TBCD: variants seen among roughly 807,000 people sequenced by gnomAD.
TBCD encodes the protein tubulin folding cofactor D, also known as tubulin-specific chaperone D.
A neutral mutation model predicts 169.3 loss-of-function variants in TBCD; 105 were observed. That is an observed-to-expected ratio of 0.62 (90% CI 0.53 to 0.73). TBCD has a LOEUF of 0.73. Ranked by LOEUF, TBCD falls within the 30% of genes least tolerant of loss-of-function variation. TBCD has a pLI of 0.00. For missense variants in TBCD, 1,444 were observed against 1,600.1 expected (o/e 0.90, Z 1.66); for synonymous variants, 700 against 643.9 (o/e 1.09, Z -1.32).
At chr17:82,818,756 C>T (rs2052149952) in intron 13 of TBCD, among the ~76,000 whole-genome samples, 1 of 152,180 alleles carries the variant, frequency 6.6e-6, no homozygotes, top group Admixed American at 6.5e-5. Flanking sequence ...CTGTGGTTCT[C>T]TGTCAGTTTG....
chr17:82,891,428 C>T (rs796682651), intron 16 of TBCD, among the ~76,000 whole-genome samples: 18 of 152,310 alleles, frequency 1.2e-4, no homozygotes, highest in African/African-American at 4.3e-4. Context: ...GCGGGAGCCT[C>T]GTGGAAGAAG....
intron 12 of TBCD, among the ~76,000 whole-genome samples, chr17:82,813,998 A>C (rs2051663797): frequency 6.6e-6 from 1 of 152,196 alleles, no homozygotes; most frequent in Non-Finnish European, 1.5e-5. Context: ...GGTTTTCCTA[A>C]ACATTTATTT....
At position 82,884,152 on chromosome 17, in the gene TBCD, G is replaced by C. The variant is rs977705282; in HGVS notation, c.1483G>C (p.Val495Leu). 3 of 1,609,518 alleles carry C rather than the reference G, an allele frequency of 1.9e-6. No homozygotes were observed. The African/African-American group carries it at 4.0e-5, about 21-fold the overall frequency. The change falls in exon 15 of 39, where the codon GTG becomes CTG. Residue 495 changes from valine (V) to leucine (L), a missense_variant. By Grantham distance (32) the Val-to-Leu change is conservative. Transcript: ENST00000355528. This position sits in a 1 kb window ranked among gnomAD's most constrained non-coding sequence, Gnocchi z 4.2. Reference protein sequence around the residue: ...PFVTAISSALVIAAVFDRDIN... With the variant: ...PFVTAISSALLIAAVFDRDIN... Reference sequence around the variant, plus strand: ...CCTTTCTCTTTTTCACAGTGCACTGGTGATTGCTGCGGTGTTTGACCGAGA... The same window carrying C: ...CCTTTCTCTTTTTCACAGTGCACTGCTGATTGCTGCGGTGTTTGACCGAGA...
At chr17:82,814,727 A>T in intron 12 of TBCD, 113 bp from the exon 13 acceptor site, 1 of 990,138 alleles carries the variant, frequency 1.0e-6, no homozygotes, top group Non-Finnish European at 1.5e-6. Context: ...GCCTTACGTG[A>T]GCCTTACAGG....
intron 13 of TBCD, among the ~76,000 whole-genome samples, chr17:82,869,282 C>T (rs912292284): frequency 6.6e-6 from 1 of 152,322 alleles, no homozygotes; most frequent in South Asian, 2.1e-4. Flanking sequence ...CATATACTTA[C>T]ACCACGTCCT....
At chr17:82,940,219 G>GCACACACACACACACA (rs1422867605) in intron 37 of TBCD, among the ~76,000 whole-genome samples, 3,135 of 94,466 alleles carry the variant, frequency 0.033, 49 homozygotes, top group East Asian at 0.076. Context: ...ACTTGCACGC[G>GCACACACACACACACA]CGCACACACA....
chr17:82,911,620 T>C, intron 22 of TBCD, 138 bp from the exon 23 acceptor site: 1 of 784,612 alleles, frequency 1.3e-6, no homozygotes, highest in Non-Finnish European at 2.1e-6. Context: ...CATAAAAGGT[T>C]GCTCATGCTC....
intron 13 of TBCD, among the ~76,000 whole-genome samples, chr17:82,837,664 C>A (rs1248302514): frequency 2.6e-5 from 4 of 152,180 alleles, no homozygotes; most frequent in Non-Finnish European, 5.9e-5. Flanking sequence ...TTTCATCCTC[C>A]TCTCATTTCC....
chr17:82,753,759 GGTTCTTTCT>G (rs1208060903), intron 1 of TBCD, among the ~76,000 whole-genome samples: 1 of 151,728 alleles, frequency 6.6e-6, no homozygotes, highest in East Asian at 1.9e-4. Context: ...GGCCCCAGTG[GGTTCTTTCT>G]GCGGGCTGCC....
At chr17:82,932,366 G>T (rs1402242691) in intron 33 of TBCD, among the ~76,000 whole-genome samples, 1 of 152,232 alleles carries the variant, frequency 6.6e-6, no homozygotes, top group African/African-American at 2.4e-5. Context: ...GTAAGAAACT[G>T]TGGGTTTACT....
chr17:82,859,809 G>A, intron 13 of TBCD: 1 of 985,464 alleles, frequency 1.0e-6, no homozygotes, highest in Non-Finnish European at 1.2e-6. Flanking sequence ...GTTCATGGCA[G>A]TGACCCAGAA....
At chr17:82,868,378 C>T (rs969374821) in intron 13 of TBCD, among the ~76,000 whole-genome samples, 3 of 152,120 alleles carry the variant, frequency 2.0e-5, no homozygotes, top group East Asian at 1.9e-4. Context: ...GCAGGGACCC[C>T]GGAATGTCCT....
rs1396698962 is a variant in TBCD at position 82,943,800 on chromosome 17, G to T, written c.*1337G>T. ...AGAGCCTTGGGTTACATTTTTACGAGATTTAAATATTTTATTCCAACCTGT... is the reference window on the plus strand; with the variant it reads ...AGAGCCTTGGGTTACATTTTTACGATATTTAAATATTTTATTCCAACCTGT... On this transcript the variant is annotated 3_prime_UTR_variant, in exon 39 of 39. Coordinates refer to ENST00000355528, the MANE Select transcript of TBCD (RefSeq NM_005993.5). 1 of 152,236 alleles carries T rather than the reference G, an allele frequency of 6.6e-6. No individual in the cohort carries two copies. The highest frequency in any genetic ancestry group is 1.5e-5 in the Non-Finnish European group (1 of 68,048). The allele number at this position is 152,236 out of a possible 1,614,324, so 9.4% of individuals were successfully genotyped here.
intron 9 of TBCD, among the ~76,000 whole-genome samples, chr17:82,804,803 G>T (rs1356492262): frequency 6.6e-6 from 1 of 152,226 alleles, no homozygotes; most frequent in Non-Finnish European, 1.5e-5. Flanking sequence ...TGAGAGGAAC[G>T]CTAGGCGGTG....
intron 1 of TBCD, among the ~76,000 whole-genome samples, chr17:82,752,774 C>T (rs1771082512): frequency 6.6e-6 from 1 of 152,204 alleles, no homozygotes; most frequent in South Asian, 2.1e-4. Flanking sequence ...GCAGTGTGGA[C>T]TCCCAGGCTT....
intron 13 of TBCD, among the ~76,000 whole-genome samples, chr17:82,856,739 T>C (rs917051115): frequency 6.7e-5 from 10 of 149,044 alleles, no homozygotes; most frequent in Non-Finnish European, 1.0e-4. Flanking sequence ...CTGGACCGCG[T>C]GCGGACCCTC....
At chr17:82,758,404 T>TAAAAAAAAAAAAAAAA (rs1312618695) in intron 2 of TBCD, among the ~76,000 whole-genome samples, 1 of 79,428 alleles carries the variant, frequency 1.3e-5, no homozygotes, top group Non-Finnish European at 2.3e-5. Context: ...AAAAAAAAAA[T>TAAAAAAAAAAAAAAAA]AAATAAATAA....
At chr17:82,800,238 C>G (rs562876775) in intron 8 of TBCD, among the ~76,000 whole-genome samples, 4 of 152,326 alleles carry the variant, frequency 2.6e-5, no homozygotes, top group Admixed American at 2.6e-4. Context: ...CTCCTGGCCT[C>G]AGCTTGCCCT....
At chr17:82,800,800 A>G (rs953378695) in intron 8 of TBCD, 64 bp from the exon 9 acceptor site, 8 of 1,547,498 alleles carry the variant, frequency 5.2e-6, no homozygotes, top group Non-Finnish European at 7.0e-6. Context: ...TTTCGGGGAC[A>G]CAGGTGGTGC....
Sources: allele counts gnomAD v4.1 joint callset (sites outside exome capture counted in the v4.1 genomes callset), GRCh38; gene constraint gnomAD v4.1.1; non-coding constraint Gnocchi (gnomAD v3.1); transcripts MANE v1.5; gene names NCBI Gene and HGNC (gene_info 2026-07-23, HGNC 2026-07-21).